GOLGA7: variants seen among roughly 807,000 people sequenced by gnomAD.
GOLGA7 encodes the protein golgin subfamily A member 7.
Under a neutral mutation model 21.1 loss-of-function variants are expected in GOLGA7, and 10 were observed. The observed-to-expected ratio is 0.47, with a 90% CI of 0.29 to 0.80. The LOEUF (loss-of-function observed/expected upper bound fraction) is 0.80, where lower values mean the gene tolerates loss of function less well. GOLGA7 is among the 30% of genes least tolerant of loss of function. The probability of loss-of-function intolerance (pLI) is 0.08; values close to 1 mark genes in which losing one functional copy is unlikely to be tolerated. For synonymous variants in GOLGA7, 64 were observed against 62.6 expected (o/e 1.02, Z -0.10); for missense variants, 114 against 166.8 (o/e 0.68, Z 1.74).
intron 2 of GOLGA7, among the ~76,000 whole-genome samples, chr8:41,499,482 C>T (rs1394590752): frequency 6.6e-6 from 1 of 152,156 alleles, no homozygotes; most frequent in Non-Finnish European, 1.5e-5. Context: ...TAGCTCTCAG[C>T]AGATGGGGGA....
chr8:41,503,553 G>A (rs747296440), intron 2 of GOLGA7, among the ~76,000 whole-genome samples: 1,223 of 80,436 alleles, frequency 0.015, 15 homozygotes, highest in Middle Eastern at 0.056. Context: ...TAGGTTTAAC[G>A]TTTAAATCTT....
chr8:41,492,136 G>T (rs4736991), intron 1 of GOLGA7, among the ~76,000 whole-genome samples: 138,271 of 152,232 alleles, frequency 0.91, 62,974 homozygotes, highest in Middle Eastern at 0.96. Context: ...AATTGCAAAT[G>T]GATCAAATAT....
intron 2 of GOLGA7, among the ~76,000 whole-genome samples, chr8:41,502,007 A>G (rs909677102): frequency 6.6e-6 from 1 of 152,212 alleles, no homozygotes; most frequent in African/African-American, 2.4e-5. Flanking sequence ...AGCAAATGTT[A>G]CAAAGCAAAT....
At position 41,505,960 on chromosome 8, in the gene GOLGA7, A is replaced by G. The variant is rs752282574; in HGVS notation, c.314A>G (p.Tyr105Cys). 12 of 1,605,998 alleles carry G rather than the reference A, an allele frequency of 7.5e-6. No individual in the cohort carries two copies. Among genetic ancestry groups the G allele is most frequent in the Middle Eastern group, 1.7e-4 (1 of 6,044 alleles). Residue 105 changes from tyrosine to cysteine, a missense_variant, in exon 3 of 5, where the codon TAT becomes TGT. Coordinates refer to ENST00000357743, the MANE Select transcript of GOLGA7 (RefSeq NM_001002296.2). Reference protein sequence around the residue: ...KYIQEQNEKIYAPQGLLLTDP... With the variant: ...KYIQEQNEKICAPQGLLLTDP... ...ATTCAAGAGCAGAATGAGAAGATCT[A>G]TGCTCCACAAGGCCTCCTCCTGACA...
At chr8:41,506,288 G>T (rs1390291659) in intron 3 of GOLGA7, among the ~76,000 whole-genome samples, 2 of 151,974 alleles carry the variant, frequency 1.3e-5, no homozygotes, top group African/African-American at 4.8e-5. Context: ...GTAATAATGG[G>T]GGTGGTTTGA....
chr8:41,504,234 GA>G (rs1806228636), intron 2 of GOLGA7, among the ~76,000 whole-genome samples: 1 of 151,916 alleles, frequency 6.6e-6, no homozygotes, highest in South Asian at 2.1e-4. Context: ...TGTACTCGGA[GA>G]AAGGAGACGG....
chr8:41,507,971 C>G (rs1005725091), intron 4 of GOLGA7, among the ~76,000 whole-genome samples: 1 of 152,214 alleles, frequency 6.6e-6, no homozygotes, highest in Non-Finnish European at 1.5e-5. Flanking sequence ...TTTGAGGGCA[C>G]GTACTATGTG....
chr8:41,492,744 C>A (rs536744646), intron 1 of GOLGA7, among the ~76,000 whole-genome samples: 6 of 152,342 alleles, frequency 3.9e-5, no homozygotes, highest in Admixed American at 6.5e-5. Context: ...CTATGACATA[C>A]AATTTATGTA....
At chr8:41,505,854 C>T (rs1806272699) in intron 2 of GOLGA7, 57 bp from the exon 3 acceptor site, 16 of 892,032 alleles carry the variant, frequency 1.8e-5, no homozygotes, top group Middle Eastern at 2.2e-4. Flanking sequence ...ATCTCACTAA[C>T]ACTTAAAGGG....
intron 1 of GOLGA7, among the ~76,000 whole-genome samples, chr8:41,493,802 A>G (rs1805942393): frequency 6.6e-6 from 1 of 152,170 alleles, no homozygotes; most frequent in African/African-American, 2.4e-5. Context: ...TTGTGGGTCC[A>G]AATTTTATTT....
intron 2 of GOLGA7, among the ~76,000 whole-genome samples, chr8:41,503,037 A>C (rs936232989): frequency 6.6e-6 from 1 of 152,026 alleles, no homozygotes; most frequent in African/African-American, 2.4e-5. Flanking sequence ...CGTTTGTTTT[A>C]ATTTTTATTT....
At chr8:41,500,844 A>AT (rs1019322544) in intron 2 of GOLGA7, among the ~76,000 whole-genome samples, 4 of 152,236 alleles carry the variant, frequency 2.6e-5, no homozygotes, top group Admixed American at 2.0e-4. Context: ...GATAGCCTGG[A>AT]TTAGGAAGGG....
chr8:41,501,263 C>T lies in GOLGA7; in HGVS notation c.264+3602C>T, dbSNP rs1402041813. Among the ~76,000 whole-genome samples the T allele has an allele frequency of 2.0e-5, 3 of 151,396 alleles. No homozygotes were observed. In the South Asian group the frequency reaches 6.2e-4, roughly 31 times the overall value. On this transcript the variant is annotated intron_variant, in intron 2 of 4. Transcript: ENST00000357743. ...ATGTATATTAGAATTAATAATTTTC[C>T]TTACATGTGGTTAGTGCTTAATAAA...
intron 1 of GOLGA7, 31 bp downstream of exon 1, chr8:41,490,996 G>A (rs1320535869): frequency 8.0e-7 from 1 of 1,251,036 alleles, no homozygotes; most frequent in African/African-American, 1.5e-5. Flanking sequence ...CGCCTGCTCT[G>A]GCGAGGGAGA....
At chr8:41,509,135 A>G (rs1416849175) in intron 4 of GOLGA7, among the ~76,000 whole-genome samples, 2 of 152,236 alleles carry the variant, frequency 1.3e-5, no homozygotes, top group African/African-American at 4.8e-5. Context: ...GGAATACATG[A>G]TTATTCCATC....
At chr8:41,504,288 A>C (rs955587046) in intron 2 of GOLGA7, among the ~76,000 whole-genome samples, 7 of 152,310 alleles carry the variant, frequency 4.6e-5, no homozygotes, top group Middle Eastern at 3.4e-3. Context: ...CCAGCCATGC[A>C]GGCATTTTTC....
chr8:41,491,088 A>T, intron 1 of GOLGA7, 123 bp downstream of exon 1: 1 of 660,258 alleles, frequency 1.5e-6, no homozygotes, highest in Non-Finnish European at 2.8e-6. Context: ...CCAGGCACAG[A>T]AGGGGCCTTG....
chr8:41,501,401 T>C (rs1175108232), intron 2 of GOLGA7, among the ~76,000 whole-genome samples: 3 of 151,392 alleles, frequency 2.0e-5, no homozygotes, highest in African/African-American at 7.3e-5. Context: ...CTCCACCTCC[T>C]GGGTTCAAGT....
Position 41,490,786 on chromosome 8 carries a change from C to T in GOLGA7, c.-69C>T, listed in dbSNP as rs1805860574. ...GGGCTGGCGGGTCAGAGTCCCGGGT[C>T]CAGGCCGGGGCTCTGACTCGCGGTT... On this transcript the variant is annotated 5_prime_UTR_variant, in exon 1 of 5. Coordinates refer to ENST00000357743, the MANE Select transcript of GOLGA7 (RefSeq NM_001002296.2). The T allele has an allele frequency of 1.2e-6, 1 of 842,818 alleles. No individual in the cohort carries two copies. Among genetic ancestry groups the T allele is most frequent in the African/African-American group, 1.7e-5 (1 of 59,820 alleles). The allele number at this position is 842,818 out of a possible 1,614,324, so 52.2% of individuals were successfully genotyped here. A position where few individuals can be genotyped will look rare whatever the true frequency, so the allele number is the denominator to read the frequency against.
Sources: allele counts gnomAD v4.1 joint callset (sites outside exome capture counted in the v4.1 genomes callset), GRCh38; gene constraint gnomAD v4.1.1; transcripts MANE v1.5; gene names NCBI Gene and HGNC (gene_info 2026-07-23, HGNC 2026-07-21).